NAALADL2: variants seen among roughly 807,000 people sequenced by gnomAD.
NAALADL2 encodes N-acetylated alpha-linked acidic dipeptidase like 2.
NAALADL2 carries 76 observed loss-of-function variants against 87.2 expected under a neutral mutation model. That is an observed-to-expected ratio of 0.87 (90% CI 0.72 to 1.05). The LOEUF is 1.05. Ranked by LOEUF, NAALADL2 falls within the 50% of genes least tolerant of loss-of-function variation. NAALADL2 has a pLI of 0.00. For missense variants in NAALADL2, 1,089 were observed against 945.8 expected, an observed-to-expected ratio of 1.15 and a Z score of -1.99; for synonymous variants, 354 against 331.0, an observed-to-expected ratio of 1.07 and a Z score of -0.75.
chr3:175,798,628 A>G (rs1449128125), intron 13 of NAALADL2, among the ~76,000 whole-genome samples: 1 of 152,076 alleles, frequency 6.6e-6, no homozygotes, highest in African/African-American at 2.4e-5. Flanking sequence ...CCTTTAGGAA[A>G]TGTATGTATT....
intron 1 of NAALADL2, among the ~76,000 whole-genome samples, chr3:174,539,509 T>C (rs1363807604): frequency 6.6e-6 from 1 of 152,182 alleles, no homozygotes; most frequent in Non-Finnish European, 1.5e-5. Flanking sequence ...CTTTGTTAAG[T>C]TCTTCATTCT....
intron 13 of NAALADL2, among the ~76,000 whole-genome samples, chr3:175,786,466 A>C (rs538976658): frequency 6.6e-6 from 1 of 151,878 alleles, no homozygotes; most frequent in African/African-American, 2.4e-5. Flanking sequence ...TCCATTGCTG[A>C]TACCCTTTCT....
intron 11 of NAALADL2, among the ~76,000 whole-genome samples, chr3:175,700,110 G>C (rs1738779598): frequency 3.3e-5 from 5 of 152,116 alleles, no homozygotes; most frequent in Admixed American, 3.3e-4. Flanking sequence ...GCTCTTTTGA[G>C]AGCAGACGTT....
At chr3:175,662,845 C>G (rs922537908) in intron 11 of NAALADL2, among the ~76,000 whole-genome samples, 2 of 151,932 alleles carry the variant, frequency 1.3e-5, no homozygotes, top group African/African-American at 4.8e-5. Context: ...ATGGTTCCCA[C>G]TTGATCATGT....
At chr3:175,040,338 C>T (rs2108964533) in intron 1 of NAALADL2, among the ~76,000 whole-genome samples, 1 of 152,190 alleles carries the variant, frequency 6.6e-6, no homozygotes, top group South Asian at 2.1e-4. Flanking sequence ...GTTTTTTCCC[C>T]TTCATCATTG....
At chr3:175,736,798 A>G (rs1744561678) in intron 11 of NAALADL2, among the ~76,000 whole-genome samples, 1 of 152,252 alleles carries the variant, frequency 6.6e-6, no homozygotes, top group African/African-American at 2.4e-5. Flanking sequence ...GGATGTTACC[A>G]TAAATCACAA....
intron 2 of NAALADL2, among the ~76,000 whole-genome samples, chr3:174,596,339 ATCTTCTC>A (rs1717903078): frequency 6.6e-6 from 1 of 152,176 alleles, no homozygotes; most frequent in Non-Finnish European, 1.5e-5. Flanking sequence ...CTCCTTGATT[ATCTTCTC>A]TCACCCAATT....
At chr3:175,354,474 T>C (rs550639751) in intron 5 of NAALADL2, among the ~76,000 whole-genome samples, 66 of 152,232 alleles carry the variant, frequency 4.3e-4, no homozygotes, top group African/African-American at 1.5e-3. Context: ...TTTTTCAGAA[T>C]CTTGTCATAT....
chr3:174,783,181 C>A (rs1274362149), intron 3 of NAALADL2, among the ~76,000 whole-genome samples: 3 of 152,108 alleles, frequency 2.0e-5, no homozygotes, highest in Non-Finnish European at 4.4e-5. Context: ...ACATTTACAG[C>A]TTTTGAAACT....
chr3:175,304,654 T>C (rs1046429581), intron 4 of NAALADL2, among the ~76,000 whole-genome samples: 1 of 152,202 alleles, frequency 6.6e-6, no homozygotes, highest in Non-Finnish European at 1.5e-5. Context: ...GCTCCACTGC[T>C]GGATATTTTG....
chr3:175,690,936 T>C (rs1391781588), intron 11 of NAALADL2, among the ~76,000 whole-genome samples: 3 of 151,922 alleles, frequency 2.0e-5, no homozygotes, highest in African/African-American at 7.2e-5. Context: ...AGTTCTTCTA[T>C]GTTGGTAATT....
chr3:174,986,676 A>G (rs1039883275), intron 1 of NAALADL2, among the ~76,000 whole-genome samples: 4 of 152,122 alleles, frequency 2.6e-5, no homozygotes, highest in African/African-American at 4.8e-5. Context: ...ATGTATTCCA[A>G]TTGCTGATTA....
At chr3:175,165,586 T>C (rs1580759226) in intron 2 of NAALADL2, among the ~76,000 whole-genome samples, 1 of 152,154 alleles carries the variant, frequency 6.6e-6, no homozygotes, top group Non-Finnish European at 1.5e-5. Context: ...CAGAAATTCA[T>C]GTAAAATTCC....
intron 2 of NAALADL2, among the ~76,000 whole-genome samples, chr3:174,642,530 T>C (rs1293057277): frequency 1.3e-5 from 2 of 148,372 alleles, no homozygotes; most frequent in African/African-American, 2.5e-5. Context: ...AAAAAAAGCA[T>C]GTTGCCACAC....
intron 2 of NAALADL2, among the ~76,000 whole-genome samples, chr3:174,553,572 T>A (rs1712405230): frequency 6.6e-6 from 1 of 152,184 alleles, no homozygotes; most frequent in Admixed American, 6.5e-5. Context: ...AAAAACTTAG[T>A]TCCATGTCTT....
rs1745399097 is a variant in NAALADL2, at chr3:175,233,912, C to A, written c.546-19C>A. 3 of 1,467,850 alleles carry A rather than the reference C, an allele frequency of 2.0e-6. No homozygotes were observed. The highest frequency in any genetic ancestry group is 2.8e-6 in the Non-Finnish European group (3 of 1,066,674). The allele number at this position is 1,467,850 out of a possible 1,614,324, so 90.9% of individuals were successfully genotyped here. ...GTATTCTCCTTTTTAAAAAAGTTTT[C>A]TTTTCAAATTTATTTCAGAAATTTG... On this transcript the variant is annotated intron_variant, in intron 2 of 13. Transcript: ENST00000454872.
intron 7 of NAALADL2, among the ~76,000 whole-genome samples, chr3:175,464,674 T>C (rs1263371687): frequency 6.6e-6 from 1 of 152,148 alleles, no homozygotes; most frequent in Admixed American, 6.5e-5. Flanking sequence ...AGTTGCTAGC[T>C]CAGAATTTTA....
chr3:175,306,494 G>T (rs1757740319), intron 4 of NAALADL2, among the ~76,000 whole-genome samples: 3 of 152,018 alleles, frequency 2.0e-5, no homozygotes, highest in Admixed American at 6.6e-5. Context: ...CACCTCCAAT[G>T]ATCTGAGTCT....
chr3:175,702,301 G>T (rs191302962), intron 11 of NAALADL2, among the ~76,000 whole-genome samples: 2 of 151,990 alleles, frequency 1.3e-5, no homozygotes, highest in African/African-American at 4.8e-5. Flanking sequence ...ATTTATAAAA[G>T]GAATTTTCAC....
Sources: gnomAD v4.1 joint callset for allele counts (sites outside exome capture counted in the v4.1 genomes callset) on GRCh38, gnomAD v4.1.1 for gene constraint, MANE v1.5 for transcripts, NCBI Gene and HGNC (gene_info 2026-07-23, HGNC 2026-07-21) for gene names.